WLS: variants seen among roughly 807,000 people sequenced by gnomAD.
WLS encodes the protein protein wntless homolog.
Under a neutral mutation model 62.8 loss-of-function variants are expected in WLS, and 23 were observed. The observed-to-expected ratio is 0.37, with a 90% CI of 0.26 to 0.52. The LOEUF is 0.52. Among genes scored for constraint, WLS ranks in the 20% least tolerant of loss-of-function variants. The pLI is 0.92. For synonymous variants in WLS, 246 were observed against 244.1 expected, an observed-to-expected ratio of 1.01 and a Z score of -0.07; for missense variants, 615 against 697.3, an observed-to-expected ratio of 0.88 and a Z score of 1.33.
chr1:68,221,798 T>C lies in WLS; in HGVS notation c.106+10396A>G, dbSNP rs553225532. Among the ~76,000 whole-genome samples, 3 of 152,254 alleles carry C rather than the reference T, an allele frequency of 2.0e-5. No homozygotes were observed. The East Asian group carries it at 5.8e-4, about 29-fold the overall frequency. ...ATAGTGCTTCGTGACTCTGCTCAGTTTCAACAAAATGAAAAGACAGAGGAG... is the reference window on the plus strand; with the variant it reads ...ATAGTGCTTCGTGACTCTGCTCAGTCTCAACAAAATGAAAAGACAGAGGAG... On this transcript the variant is annotated intron_variant, in intron 1 of 11. Coordinates refer to ENST00000262348, the MANE Select transcript of WLS (RefSeq NM_024911.7).
intron 2 of WLS, among the ~76,000 whole-genome samples, chr1:68,192,731 C>T (rs188279571): frequency 7.8e-5 from 10 of 128,016 alleles, no homozygotes; most frequent in South Asian, 2.6e-4. Context: ...GGCCAGCATT[C>T]GAGATCAGCC....
At chr1:68,143,722 A>G (rs953636280) in intron 10 of WLS, among the ~76,000 whole-genome samples, 4 of 152,198 alleles carry the variant, frequency 2.6e-5, no homozygotes, top group Admixed American at 2.0e-4. Context: ...TCCCTTAATG[A>G]GGAACTCACA....
chr1:68,174,631 T>TA (rs1007646235), intron 2 of WLS, among the ~76,000 whole-genome samples: 1 of 152,144 alleles, frequency 6.6e-6, no homozygotes, highest in African/African-American at 2.4e-5. Context: ...ACAAGAGTGT[T>TA]AAGCTGGACT....
intron 2 of WLS, among the ~76,000 whole-genome samples, chr1:68,191,337 CTTG>C (rs1233101781): frequency 1.3e-5 from 2 of 152,034 alleles, no homozygotes; most frequent in African/African-American, 2.4e-5. Flanking sequence ...CATGGCTCTT[CTTG>C]TTGTCCTTAT....
intron 4 of WLS, 54 bp downstream of exon 4, chr1:68,155,045 G>A: frequency 7.0e-6 from 11 of 1,571,658 alleles, no homozygotes; most frequent in Non-Finnish European, 9.5e-6. Flanking sequence ...GGTGCCAAGA[G>A]TGAGATGGAG....
intron 2 of WLS, among the ~76,000 whole-genome samples, chr1:68,168,345 G>A (rs886631376): frequency 1.3e-5 from 2 of 152,104 alleles, no homozygotes; most frequent in Non-Finnish European, 1.5e-5. Flanking sequence ...GTATAAATTG[G>A]GCACCAAATG....
At chr1:68,105,101 G>A (rs559461481) in intron 11 of WLS, among the ~76,000 whole-genome samples, 2 of 152,304 alleles carry the variant, frequency 1.3e-5, no homozygotes, top group South Asian at 4.1e-4. Flanking sequence ...TTAGATGTCT[G>A]ATCTACCCTT....
intron 2 of WLS, chr1:68,161,795 T>G (rs78180186): frequency 1.2e-6 from 2 of 1,601,106 alleles, no homozygotes; most frequent in Non-Finnish European, 1.7e-6. Flanking sequence ...CCGTGTTTTG[T>G]GGGCTGGTTG....
chr1:68,111,515 G>C (rs554823562), intron 11 of WLS, among the ~76,000 whole-genome samples: 19 of 152,316 alleles, frequency 1.2e-4, no homozygotes, highest in African/African-American at 4.6e-4. Flanking sequence ...ACGGAGGAGG[G>C]ATTTTTTTGG....
chr1:68,108,868 A>T (rs955543574), intron 11 of WLS, among the ~76,000 whole-genome samples: 5 of 152,260 alleles, frequency 3.3e-5, no homozygotes, highest in Middle Eastern at 3.4e-3. Context: ...AAGGCCAAAA[A>T]ATATATATAT....
intron 11 of WLS, among the ~76,000 whole-genome samples, chr1:68,108,524 C>T (rs181518689): frequency 3.8e-4 from 58 of 152,298 alleles, no homozygotes; most frequent in African/African-American, 1.4e-3. Context: ...ACACCAGATG[C>T]CCCCTTCCCA....
intron 1 of WLS, among the ~76,000 whole-genome samples, chr1:68,222,015 G>A (rs374596881): frequency 3.9e-5 from 6 of 152,196 alleles, no homozygotes; most frequent in African/African-American, 1.2e-4. Flanking sequence ...ATGTAAATTC[G>A]ACCAAAATAT....
intron 1 of WLS, among the ~76,000 whole-genome samples, chr1:68,219,322 A>G (rs1232323522): frequency 6.6e-6 from 1 of 152,228 alleles, no homozygotes; most frequent in Non-Finnish European, 1.5e-5. Flanking sequence ...CAGAAAGCTC[A>G]GTTCAAACCT....
intron 10 of WLS, among the ~76,000 whole-genome samples, chr1:68,143,825 T>G (rs1646718495): frequency 6.6e-6 from 1 of 152,220 alleles, no homozygotes; most frequent in Non-Finnish European, 1.5e-5. Flanking sequence ...GTAATATTTA[T>G]TTTGCAGATA....
intron 2 of WLS, among the ~76,000 whole-genome samples, chr1:68,160,635 G>A (rs778758005): frequency 4.6e-5 from 7 of 152,020 alleles, no homozygotes; most frequent in Non-Finnish European, 8.8e-5. Flanking sequence ...AAATGTCTAC[G>A]TTTACAATAA....
intron 2 of WLS, among the ~76,000 whole-genome samples, chr1:68,182,715 T>C (rs1451852624): frequency 6.6e-6 from 1 of 152,198 alleles, no homozygotes; most frequent in East Asian, 1.9e-4. Context: ...CTCTGAGATC[T>C]TTTTGATGTA....
At chr1:68,164,498 T>C (rs1647033278) in intron 2 of WLS, among the ~76,000 whole-genome samples, 1 of 152,202 alleles carries the variant, frequency 6.6e-6, no homozygotes, top group Admixed American at 6.5e-5. Context: ...CCTCAGGTGA[T>C]CCGCCTGCCT....
At chr1:68,148,236 T>C in intron 7 of WLS, 37 bp from the exon 8 acceptor site, 28 of 1,606,258 alleles carry the variant, frequency 1.7e-5, no homozygotes, top group Non-Finnish European at 2.4e-5. Context: ...AAGACACAAT[T>C]AATACAAAGG....
At chr1:68,114,441 C>T (rs1360000980) in intron 11 of WLS, among the ~76,000 whole-genome samples, 2 of 152,140 alleles carry the variant, frequency 1.3e-5, no homozygotes, top group African/African-American at 4.8e-5. Context: ...ATGATGATGG[C>T]AAAGACAATG....
Sources: gnomAD v4.1 joint callset for allele counts (sites outside exome capture counted in the v4.1 genomes callset) on GRCh38, gnomAD v4.1.1 for gene constraint, MANE v1.5 for transcripts, NCBI Gene and HGNC (gene_info 2026-07-23, HGNC 2026-07-21) for gene names.